The following ROBO2 variants were observed in gnomAD, a reference collection of about 807,000 sequenced individuals.
ROBO2 encodes roundabout guidance receptor 2.
A neutral mutation model predicts 160.8 loss-of-function variants in ROBO2; 53 were observed. The observed-to-expected ratio is 0.33, with a 90% CI of 0.26 to 0.41. The LOEUF is 0.41. Among genes scored for constraint, ROBO2 ranks in the 10% least tolerant of loss-of-function variants. The pLI, the probability that ROBO2 is intolerant of heterozygous loss-of-function variation, is 1.00. For missense variants in ROBO2, 1,577 were observed against 1,722.4 expected, an observed-to-expected ratio of 0.92 and a Z score of 1.49; for synonymous variants, 664 against 611.7, an observed-to-expected ratio of 1.09 and a Z score of -1.26.
rs1354820282 is a variant in ROBO2 at position 77,299,345 on chromosome 3, G to C, written c.389-178069G>C. Reference sequence around the variant, plus strand: ...AGTCTGGAGATAAGAAGGACTGAAAGCCTAGAGATATATTAGTTTGTTCTC... The same window carrying C: ...AGTCTGGAGATAAGAAGGACTGAAACCCTAGAGATATATTAGTTTGTTCTC... On this transcript the variant is annotated intron_variant, in intron 2 of 25. Transcript: ENST00000461745. 2.6e-5 allele frequency among the ~76,000 whole-genome samples: 4 copies of C among 152,238 alleles called. No individual in the cohort carries two copies. In the East Asian group the frequency reaches 5.8e-4, roughly 22 times the overall value.
At chr3:75,990,992 A>G (rs1305153983) in intron 2 of ROBO2, among the ~76,000 whole-genome samples, 1 of 152,200 alleles carries the variant, frequency 6.6e-6, no homozygotes, top group Non-Finnish European at 1.5e-5. Flanking sequence ...TAACTGGGAC[A>G]TTCATCCATG....
At chr3:76,839,526 T>C (rs1289248784) in intron 2 of ROBO2, among the ~76,000 whole-genome samples, 1 of 152,228 alleles carries the variant, frequency 6.6e-6, no homozygotes, top group East Asian at 1.9e-4. Flanking sequence ...CATTTGGTCA[T>C]GATAAATGAT....
chr3:76,792,160 G>A (rs2063396541), intron 2 of ROBO2, among the ~76,000 whole-genome samples: 1 of 151,888 alleles, frequency 6.6e-6, no homozygotes. Context: ...GATATGAATA[G>A]CTGAATTAGA....
chr3:76,172,455 G>GA (rs2073079879), intron 2 of ROBO2, among the ~76,000 whole-genome samples: 2 of 112,844 alleles, frequency 1.8e-5, no homozygotes, highest in African/African-American at 6.8e-5. Context: ...AAAAAAAAAA[G>GA]AAAACTACTG....
chr3:77,414,264 G>A (rs908232218), intron 2 of ROBO2, among the ~76,000 whole-genome samples: 2 of 152,214 alleles, frequency 1.3e-5, no homozygotes, highest in Non-Finnish European at 2.9e-5. Context: ...ACAGCAATGT[G>A]GAGATTATGG....
chr3:77,479,837 C>T (rs560130006), intron 3 of ROBO2, among the ~76,000 whole-genome samples: 99 of 152,290 alleles, frequency 6.5e-4, no homozygotes, highest in African/African-American at 2.0e-3. Flanking sequence ...TCGTTCCCCT[C>T]CTTATGATCT....
intron 2 of ROBO2, among the ~76,000 whole-genome samples, chr3:77,191,069 A>G (rs754910583): frequency 2.6e-5 from 4 of 152,152 alleles, no homozygotes; most frequent in Non-Finnish European, 4.4e-5. Flanking sequence ...CTTTTTGACT[A>G]TAGACTCCCA....
intron 2 of ROBO2, among the ~76,000 whole-genome samples, chr3:76,624,607 T>C (rs2089478455): frequency 6.6e-6 from 1 of 151,806 alleles, no homozygotes; most frequent in African/African-American, 2.4e-5. Context: ...GCCACCAGCC[T>C]GGCCAACGTG....
chr3:76,244,460 A>G (rs967854231), intron 2 of ROBO2, among the ~76,000 whole-genome samples: 4 of 152,184 alleles, frequency 2.6e-5, no homozygotes, highest in African/African-American at 4.8e-5. Context: ...GGTAGAAACC[A>G]TTTATGTGGA....
intron 2 of ROBO2, among the ~76,000 whole-genome samples, chr3:76,232,843 C>T (rs1293977066): frequency 6.6e-6 from 1 of 152,180 alleles, no homozygotes. Flanking sequence ...TCCCACTCCA[C>T]CACCACTCTC....
chr3:76,461,416 G>A (rs943793898), intron 2 of ROBO2, among the ~76,000 whole-genome samples: 1 of 152,082 alleles, frequency 6.6e-6, no homozygotes, highest in Non-Finnish European at 1.5e-5. Context: ...AACCACTATT[G>A]TAGAACAATA....
At chr3:77,340,057 T>C (rs1269222057) in intron 2 of ROBO2, among the ~76,000 whole-genome samples, 1 of 152,118 alleles carries the variant, frequency 6.6e-6, no homozygotes, top group Non-Finnish European at 1.5e-5. Flanking sequence ...CCTGCTGATA[T>C]TCCGATAAAG....
At chr3:76,123,706 C>T (rs2070846280) in intron 2 of ROBO2, among the ~76,000 whole-genome samples, 1 of 152,140 alleles carries the variant, frequency 6.6e-6, no homozygotes, top group East Asian at 1.9e-4. Flanking sequence ...TTGTGCCCCT[C>T]ACCTTGAAGG....
At chr3:76,770,630 T>C (rs2108494509) in intron 2 of ROBO2, among the ~76,000 whole-genome samples, 1 of 151,300 alleles carries the variant, frequency 6.6e-6, no homozygotes, top group Admixed American at 6.6e-5. Context: ...AGCAGGCACA[T>C]GTTGCAAAGG....
chr3:77,434,784 AAATT>A (rs1406748318), intron 2 of ROBO2, among the ~76,000 whole-genome samples: 7 of 152,086 alleles, frequency 4.6e-5, no homozygotes, highest in Non-Finnish European at 1.0e-4. Flanking sequence ...CAAATTGAAT[AAATT>A]GTGTACCATA....
chr3:77,360,142 C>CTTTAT (rs2069722889), intron 2 of ROBO2, among the ~76,000 whole-genome samples: 1 of 152,108 alleles, frequency 6.6e-6, no homozygotes, highest in East Asian at 1.9e-4. Context: ...AAGGGCCTGA[C>CTTTAT]CACTTCTTTA....
intron 2 of ROBO2, among the ~76,000 whole-genome samples, chr3:76,965,785 G>GTGTGTATATATATATA (rs1424338840): frequency 2.3e-5 from 3 of 129,220 alleles, no homozygotes; most frequent in African/African-American, 6.2e-5. Flanking sequence ...TTGTGTTTGT[G>GTGTGTATATATATATA]TATATATATA....
At chr3:77,493,790 A>G (rs1282410320) in intron 5 of ROBO2, among the ~76,000 whole-genome samples, 1 of 152,158 alleles carries the variant, frequency 6.6e-6, no homozygotes, top group Non-Finnish European at 1.5e-5. Flanking sequence ...CATAACTAAC[A>G]AAAGACTATT....
intron 2 of ROBO2, among the ~76,000 whole-genome samples, chr3:76,088,892 A>G (rs1276608292): frequency 1.3e-5 from 2 of 152,032 alleles, no homozygotes; most frequent in African/African-American, 2.4e-5. Flanking sequence ...CTAAAGACAG[A>G]TATCAATAGA....
Sources: gnomAD v4.1 joint callset for allele counts (sites outside exome capture counted in the v4.1 genomes callset) on GRCh38, gnomAD v4.1.1 for gene constraint, MANE v1.5 for transcripts, NCBI Gene and HGNC (gene_info 2026-07-23, HGNC 2026-07-21) for gene names.